Variants in TPX2 observed in about 807,000 individuals in gnomAD.
The protein encoded by TPX2 is TPX2 microtubule nucleation factor.
TPX2 carries 21 observed loss-of-function variants against 93.6 expected under a neutral mutation model. The ratio of observed to expected loss-of-function variants is 0.22; its 90% CI spans 0.16 to 0.32. The LOEUF (loss-of-function observed/expected upper bound fraction) is 0.32, where lower values mean the gene tolerates loss of function less well. Ranked by LOEUF, TPX2 falls within the 10% of genes least tolerant of loss-of-function variation. TPX2 has a pLI of 1.00. For synonymous variants in TPX2, 281 were observed against 298.3 expected, an observed-to-expected ratio of 0.94 and a Z score of 0.60; for missense variants, 776 against 871.1, an observed-to-expected ratio of 0.89 and a Z score of 1.37.
chr20:31,761,007 T>A (rs758123303), intron 4 of TPX2, among the ~76,000 whole-genome samples: 26 of 152,314 alleles, frequency 1.7e-4, no homozygotes, highest in Middle Eastern at 3.4e-3. Context: ...GTATTTAGAT[T>A]TAACTCACAC....
chr20:31,800,661 C>T (rs1030726707), intron 17 of TPX2, among the ~76,000 whole-genome samples: 14 of 152,292 alleles, frequency 9.2e-5, no homozygotes, highest in South Asian at 2.1e-4. Context: ...CCCTATTATA[C>T]CCTAGTAAAT....
intron 5 of TPX2, among the ~76,000 whole-genome samples, chr20:31,768,933 A>G (rs370489384): frequency 6.6e-6 from 1 of 152,348 alleles, no homozygotes; most frequent in South Asian, 2.1e-4. Flanking sequence ...ATGAGGAGAT[A>G]ACCCATCAAT....
At chr20:31,790,597 C>T (rs1234867835) in intron 12 of TPX2, among the ~76,000 whole-genome samples, 1 of 152,162 alleles carries the variant, frequency 6.6e-6, no homozygotes, top group Non-Finnish European at 1.5e-5. Context: ...GAAAGACATT[C>T]CAAACATGTT....
intron 15 of TPX2, among the ~76,000 whole-genome samples, chr20:31,795,713 A>G (rs1346351887): frequency 6.6e-6 from 1 of 152,252 alleles, no homozygotes; most frequent in African/African-American, 2.4e-5. Flanking sequence ...ATGGGAGAAT[A>G]GATTGAAATA....
intron 5 of TPX2, among the ~76,000 whole-genome samples, chr20:31,769,615 C>T (rs1475252043): frequency 1.3e-5 from 2 of 152,148 alleles, no homozygotes; most frequent in Admixed American, 6.5e-5. Flanking sequence ...TGAGCCACCG[C>T]GCCCAGCCTA....
chr20:31,791,075 G>A (rs2062097449), intron 12 of TPX2, among the ~76,000 whole-genome samples: 2 of 152,090 alleles, frequency 1.3e-5, no homozygotes, highest in South Asian at 4.1e-4. Context: ...AACCATTTGG[G>A]GAGCGATCAG....
rs1015781228 is a variant in TPX2 at position 31,739,437 on chromosome 20, C to G, written c.-362C>G. 2.6e-5 allele frequency: 4 copies of G among 152,244 alleles called. No individual in the cohort carries two copies. Among genetic ancestry groups the G allele is most frequent in the South Asian group, 4.1e-4 (2 of 4,834 alleles). 9.4% of individuals were successfully genotyped at this position (152,244 alleles called of 1,614,324 possible). ...ACGGCTGAAGTTCACCTTCCAGCCC[C>G]TAGCGCCGTTCGCGCCGCTAGGCCT... On this transcript the variant is annotated 5_prime_UTR_variant, in exon 1 of 18. Transcript: ENST00000300403.
rs1248561943 is a variant in TPX2 at position 31,801,140 on chromosome 20, A to G, written c.*60A>G. The G allele has an allele frequency of 6.8e-7, 1 of 1,473,010 alleles. No individual in the cohort carries two copies. The highest frequency in any genetic ancestry group is 9.5e-7 in the Non-Finnish European group (1 of 1,052,246). 91.2% of individuals were successfully genotyped at this position (1,473,010 alleles called of 1,614,324 possible). On this transcript the variant is annotated 3_prime_UTR_variant, in exon 18 of 18. Coordinates refer to ENST00000300403, the MANE Select transcript of TPX2 (RefSeq NM_012112.5). ...GGGACCTGCTCTTAACCTCAAACCT[A>G]GGACCGTCTTGCTTTGTCATTGGGC...
chr20:31,756,417 A>C (rs1222850021), intron 2 of TPX2, among the ~76,000 whole-genome samples: 2 of 151,468 alleles, frequency 1.3e-5, no homozygotes, highest in African/African-American at 4.8e-5. Flanking sequence ...GGTAGGCATA[A>C]AAATTAGTGG....
At chr20:31,743,597 A>G (rs955480753) in intron 2 of TPX2, among the ~76,000 whole-genome samples, 2 of 152,100 alleles carry the variant, frequency 1.3e-5, no homozygotes, top group Non-Finnish European at 2.9e-5. Flanking sequence ...TTGGGGGGCC[A>G]AGGTGAAGGG....
At position 31,794,531 on chromosome 20, in the gene TPX2, C is replaced by G. The variant is rs757574075; in HGVS notation, c.1816C>G (p.Gln606Glu). 2 of 1,613,922 alleles carry G rather than the reference C, an allele frequency of 1.2e-6. No individual in the cohort carries two copies. Among genetic ancestry groups the G allele is most frequent in the Middle Eastern group, 3.3e-4 (2 of 6,062 alleles). Residue 606 changes from glutamine to glutamate, a missense_variant, in exon 15 of 18, where the codon CAG becomes GAG. Gln to Glu is a conservative substitution (Grantham distance 29). Around this residue, in one of 3 missense-constraint regions of TPX2, gnomAD observed 461 missense variants for 551.2 expected, o/e 0.84. Transcript: ENST00000300403. ...ETDRRGALKA[Q>E]TWKHQLEEEL... Reference sequence around the variant, plus strand: ...TGACAGAAGAGGTGCTCTGAAGGCACAGACTTGGAAGCACCAGGTAGGGGA... The same window carrying G: ...TGACAGAAGAGGTGCTCTGAAGGCAGAGACTTGGAAGCACCAGGTAGGGGA...
At chr20:31,743,139 G>C (rs1004132120) in intron 2 of TPX2, among the ~76,000 whole-genome samples, 2 of 152,102 alleles carry the variant, frequency 1.3e-5, no homozygotes, top group Admixed American at 1.3e-4. Context: ...CCTTGAACCC[G>C]GGAGGCAGAG....
chr20:31,786,813 GAGTT>G (rs1037839242), intron 12 of TPX2, among the ~76,000 whole-genome samples: 3 of 152,200 alleles, frequency 2.0e-5, no homozygotes, highest in African/African-American at 7.2e-5. Flanking sequence ...AGTTCATTAG[GAGTT>G]AGTTGAGATC....
chr20:31,756,655 CT>C (rs1399162039), intron 2 of TPX2, among the ~76,000 whole-genome samples: 1 of 151,636 alleles, frequency 6.6e-6, no homozygotes, highest in African/African-American at 2.4e-5. Flanking sequence ...CAGAGTTTTG[CT>C]CTTCTTGCCC....
intron 3 of TPX2, among the ~76,000 whole-genome samples, chr20:31,759,488 C>T (rs1375900483): frequency 6.6e-6 from 1 of 150,548 alleles, no homozygotes; most frequent in Admixed American, 6.7e-5. Context: ...CAAATTCCAC[C>T]TTCCAGGTTC....
At chr20:31,795,503 G>C (rs1472198209) in intron 15 of TPX2, among the ~76,000 whole-genome samples, 1 of 152,244 alleles carries the variant, frequency 6.6e-6, no homozygotes, top group Non-Finnish European at 1.5e-5. Flanking sequence ...AGCTGGATTT[G>C]GCCTGTAGGC....
intron 3 of TPX2, 146 bp from the exon 4 acceptor site, chr20:31,759,905 ACTTTTT>A: frequency 2.1e-6 from 2 of 962,450 alleles, no homozygotes; most frequent in Non-Finnish European, 3.0e-6. Flanking sequence ...TGTAATGTGT[ACTTTTT>A]CTTTTGATTG....
chr20:31,796,917 T>G (rs1311577154), intron 15 of TPX2, among the ~76,000 whole-genome samples: 2 of 152,078 alleles, frequency 1.3e-5, no homozygotes. Context: ...TCAATATGTA[T>G]AATGTGTAAT....
intron 12 of TPX2, among the ~76,000 whole-genome samples, chr20:31,787,175 AT>A (rs986507890): frequency 1.3e-5 from 2 of 150,298 alleles, no homozygotes; most frequent in Admixed American, 1.3e-4. Context: ...GTCTATACTT[AT>A]CCCTATTTTT....
Sources: allele counts gnomAD v4.1 joint callset (sites outside exome capture counted in the v4.1 genomes callset), GRCh38; gene constraint gnomAD v4.1.1; regional missense constraint gnomAD v4.1.1; transcripts MANE v1.5; gene names NCBI Gene and HGNC (gene_info 2026-07-23, HGNC 2026-07-21).